Variants in CXADR observed in about 807,000 individuals in gnomAD.
The protein encoded by CXADR is coxsackievirus and adenovirus receptor.
A neutral mutation model predicts 40.3 loss-of-function variants in CXADR; 20 were observed. The observed-to-expected ratio is 0.50, with a 90% CI of 0.35 to 0.72. The LOEUF (loss-of-function observed/expected upper bound fraction) is 0.72. CXADR is among the 30% of genes least tolerant of loss of function. The pLI, the probability that CXADR is intolerant of heterozygous loss-of-function variation, is 0.01. For synonymous variants in CXADR, 150 were observed against 161.3 expected (o/e 0.93, Z 0.53); for missense variants, 332 against 449.1 (o/e 0.74, Z 2.36).
Position 17,569,948 on chromosome 21 carries a change from C to G in CXADR, c.*4256C>G. ...TCACGTGTGCAAAGTATAGAACTGA[C>G]AGTGTCAGTTTCAGATTTTGTATGT... On this transcript the variant is annotated 3_prime_UTR_variant, in exon 7 of 7. Transcript: ENST00000284878. 1.0e-6 allele frequency: 1 copy of G among 985,438 alleles called. No homozygotes were observed. The allele number at this position is 985,438 out of a possible 1,614,324, so 61.0% of individuals were successfully genotyped here.
At chr21:17,585,123 A>T (rs2061385987) in intron 7 of CXADR, among the ~76,000 whole-genome samples, 1 of 152,202 alleles carries the variant, frequency 6.6e-6, no homozygotes, top group Non-Finnish European at 1.5e-5. Flanking sequence ...GTGTGAATTC[A>T]TAAAGTTGGT....
Position 17,565,479 on chromosome 21 carries a change from C to T in CXADR, c.885C>T (p.Ile295=), listed in dbSNP as rs765586953. ...GTACGTCCACTGCCAGAAGCTACATCGGCAGTAATCATTCATCCCTGGGGT... is the reference window on the plus strand; with the variant it reads ...GTACGTCCACTGCCAGAAGCTACATTGGCAGTAATCATTCATCCCTGGGGT... The part of the protein sequence containing the change: ...KSRTSTARSY[I]GSNHSSLGSM... The change falls in exon 7 of 7, where the codon ATC becomes ATT. Residue 295 remains isoleucine, a synonymous_variant. Coordinates refer to ENST00000284878, the MANE Select transcript of CXADR (RefSeq NM_001338.5). The T allele has an allele frequency of 1.4e-5, 22 of 1,613,826 alleles. No individual in the cohort carries two copies. Among genetic ancestry groups the T allele is most frequent in the Admixed American group, 8.3e-5 (5 of 59,992 alleles).
chr21:17,634,579 C>T, the CXADR span, among the ~76,000 whole-genome samples: 2 of 152,280 alleles, frequency 1.3e-5, no homozygotes, highest in Admixed American at 1.3e-4. Context: ...TTCTCCAATA[C>T]TCTAGACTGT....
chr21:17,594,438 C>T (rs2061477474), downstream of CXADR: 1 of 1,277,710 alleles, frequency 7.8e-7, no homozygotes, highest in Admixed American at 2.3e-5. Context: ...ACTGAGATCA[C>T]ATCTAAGTGA....
At chr21:17,599,987 G>C in the CXADR span, among the ~76,000 whole-genome samples, 1 of 152,058 alleles carries the variant, frequency 6.6e-6, no homozygotes, top group South Asian at 2.1e-4. Flanking sequence ...AAATTATATT[G>C]CTTACTTCAG....
intron 4 of CXADR, among the ~76,000 whole-genome samples, chr21:17,559,477 A>G (rs1361169540): frequency 6.6e-6 from 1 of 151,916 alleles, no homozygotes; most frequent in Non-Finnish European, 1.5e-5. Flanking sequence ...GAGCCCAGGC[A>G]TGTGCCCAGC....
chr21:17,605,649 A>G, the CXADR span, among the ~76,000 whole-genome samples: 2 of 152,318 alleles, frequency 1.3e-5, no homozygotes, highest in South Asian at 4.1e-4. Flanking sequence ...AGTGAGGAAA[A>G]TTTCTAAACC....
At chr21:17,518,440 G>A (rs2060488488) in intron 1 of CXADR, 4 of 689,758 alleles carry the variant, frequency 5.8e-6, no homozygotes, top group Admixed American at 4.6e-5. Context: ...ACTAGTAACA[G>A]GTGATGTTCT....
At chr21:17,608,774 C>G in the CXADR span, 2 of 489,668 alleles carry the variant, frequency 4.1e-6, no homozygotes, top group Non-Finnish European at 6.9e-6. Flanking sequence ...CCTCCTGTGT[C>G]CAGGCAGTGG....
At chr21:17,576,386 A>C (rs1357487830) in intron 7 of CXADR, among the ~76,000 whole-genome samples, 2 of 152,176 alleles carry the variant, frequency 1.3e-5, no homozygotes, top group African/African-American at 4.8e-5. Context: ...AAAATAGGAT[A>C]ATAGTATCTA....
chr21:17,604,224 C>T, the CXADR span: 98 of 700,384 alleles, frequency 1.4e-4, 1 homozygote, highest in East Asian at 4.3e-3. Context: ...GGGCGGATCA[C>T]GAGGTCAGGA....
chr21:17,553,013 C>T (rs922845784), intron 3 of CXADR, among the ~76,000 whole-genome samples: 3 of 152,118 alleles, frequency 2.0e-5, no homozygotes, highest in African/African-American at 7.2e-5. Context: ...GCCTCTGCTT[C>T]CCAGGTTCAA....
At chr21:17,592,757 T>C (rs1327838840) in intron 7 of CXADR, among the ~76,000 whole-genome samples, 1 of 151,302 alleles carries the variant, frequency 6.6e-6, no homozygotes, top group Non-Finnish European at 1.5e-5. Context: ...AGGAAAAGAG[T>C]AGATATGGTT....
At position 17,556,647 on chromosome 21, in the gene CXADR, T is replaced by A. The variant is rs78055511; in HGVS notation, c.416-2329T>A. 7.4e-4 allele frequency among the ~76,000 whole-genome samples: 113 copies of A among 152,328 alleles called. 2 individuals are homozygous for A. In the East Asian group the frequency reaches 0.021, roughly 28 times the overall value. On this transcript the variant is annotated intron_variant, in intron 3 of 6. Transcript: ENST00000284878. The stretch of plus-strand genomic sequence containing the variant: ...CTCATTTCATTGAAGACTCCCAGAA[T>A]GAAATAATTTGCAAAACTTATTTAA...
chr21:17,542,064 T>C, intron 1 of CXADR: 1 of 349,108 alleles, frequency 2.9e-6, no homozygotes, highest in African/African-American at 2.2e-5. Context: ...ATAAGATTTT[T>C]AGTATAGTTA....
chr21:17,577,658 C>T (rs984511481), intron 7 of CXADR, among the ~76,000 whole-genome samples: 1 of 96,500 alleles, frequency 1.0e-5, no homozygotes. Context: ...GCATTGATCT[C>T]TAGAACACAA....
At chr21:17,631,906 G>T in the CXADR span, among the ~76,000 whole-genome samples, 11 of 152,034 alleles carry the variant, frequency 7.2e-5, no homozygotes, top group African/African-American at 2.7e-4. Flanking sequence ...CTATCTCCTG[G>T]GCTCAATAGA....
intron 3 of CXADR, among the ~76,000 whole-genome samples, chr21:17,552,288 A>C (rs1356300561): frequency 6.6e-6 from 1 of 152,208 alleles, no homozygotes; most frequent in Non-Finnish European, 1.5e-5. Context: ...ATTATGTAGA[A>C]CCATGTTTCT....
the CXADR span, chr21:17,598,583 C>G: frequency 2.5e-6 from 4 of 1,581,522 alleles, no homozygotes; most frequent in Admixed American, 6.7e-5. Context: ...AATCCCTGCA[C>G]ATCCCTTTAA....
Sources: allele counts gnomAD v4.1 joint callset (sites outside exome capture counted in the v4.1 genomes callset), GRCh38; gene constraint gnomAD v4.1.1; transcripts MANE v1.5; gene names NCBI Gene and HGNC (gene_info 2026-07-23, HGNC 2026-07-21).